SDC2: variants seen among roughly 807,000 people sequenced by gnomAD.
The protein encoded by SDC2 is syndecan 2.
A neutral mutation model predicts 22.2 loss-of-function variants in SDC2; 13 were observed. That is an observed-to-expected ratio of 0.59 (90% CI 0.38 to 0.93). The LOEUF (loss-of-function observed/expected upper bound fraction) is 0.93. SDC2 is among the 40% of genes least tolerant of loss of function. The pLI, the probability that SDC2 is intolerant of heterozygous loss-of-function variation, is 0.00. For missense variants in SDC2, 235 were observed against 246.8 expected, an observed-to-expected ratio of 0.95 and a Z score of 0.32; for synonymous variants, 94 against 92.8, an observed-to-expected ratio of 1.01 and a Z score of -0.07.
intron 1 of SDC2, among the ~76,000 whole-genome samples, chr8:96,583,952 A>G (rs1399534360): frequency 6.6e-6 from 1 of 151,882 alleles, no homozygotes; most frequent in African/African-American, 2.4e-5. Context: ...TGCAGTAGTA[A>G]ACACCCTAAC....
At chr8:96,548,092 C>T (rs960450717) in intron 1 of SDC2, among the ~76,000 whole-genome samples, 8 of 152,184 alleles carry the variant, frequency 5.3e-5, no homozygotes, top group Non-Finnish European at 1.5e-5. Flanking sequence ...CCCTTGATGG[C>T]AGCTTTTGTA....
intron 2 of SDC2, among the ~76,000 whole-genome samples, chr8:96,602,037 C>T (rs185776996): frequency 1.3e-5 from 2 of 152,254 alleles, no homozygotes; most frequent in African/African-American, 2.4e-5. Flanking sequence ...AAATTACAGG[C>T]GTGAGCCCCT....
At chr8:96,519,380 C>T (rs774388740) in intron 1 of SDC2, among the ~76,000 whole-genome samples, 37 of 151,986 alleles carry the variant, frequency 2.4e-4, no homozygotes, top group Non-Finnish European at 1.6e-4. Flanking sequence ...TAATGCTCCA[C>T]GTTACAGAAA....
intron 1 of SDC2, among the ~76,000 whole-genome samples, chr8:96,550,945 T>C (rs1814016138): frequency 6.6e-6 from 1 of 152,136 alleles, no homozygotes; most frequent in Non-Finnish European, 1.5e-5. Flanking sequence ...CTGTAGTCTT[T>C]GTGATCATCT....
In SDC2 at chr8:96,549,694, G is replaced by A. The variant is rs561895601; in HGVS notation, c.61-43786G>A. On this transcript the variant is annotated intron_variant, in intron 1 of 4. Coordinates refer to ENST00000302190, the MANE Select transcript of SDC2 (RefSeq NM_002998.4). ...TAAGTCTTCATATCAGTTTCTCTTCGAGAGTAGGAGTAATAATGCATATAT... is the reference window on the plus strand; with the variant it reads ...TAAGTCTTCATATCAGTTTCTCTTCAAGAGTAGGAGTAATAATGCATATAT... Among the ~76,000 whole-genome samples the A allele has an allele frequency of 6.6e-5, 10 of 152,264 alleles. No individual in the cohort carries two copies. In the South Asian group the frequency reaches 1.9e-3, roughly 28 times the overall value.
intron 1 of SDC2, among the ~76,000 whole-genome samples, chr8:96,496,958 T>G (rs1477262898): frequency 6.6e-6 from 1 of 152,226 alleles, no homozygotes; most frequent in Non-Finnish European, 1.5e-5. Flanking sequence ...TGACTGAGTG[T>G]GGCAGTAGTG....
At chr8:96,502,476 A>G (rs1813181452) in intron 1 of SDC2, among the ~76,000 whole-genome samples, 1 of 93,706 alleles carries the variant, frequency 1.1e-5, no homozygotes, top group Admixed American at 9.8e-5. Flanking sequence ...TCTAGATAGA[A>G]GACTACATGA....
intron 1 of SDC2, among the ~76,000 whole-genome samples, chr8:96,579,779 C>G (rs187432660): frequency 6.6e-6 from 1 of 152,288 alleles, no homozygotes; most frequent in Admixed American, 6.5e-5. Context: ...CATGTTGTCT[C>G]TTACATGAAA....
intron 3 of SDC2, among the ~76,000 whole-genome samples, chr8:96,606,667 A>AT (rs996711945): frequency 3.3e-5 from 5 of 151,944 alleles, no homozygotes; most frequent in Non-Finnish European, 7.4e-5. Context: ...GTAGGACTGT[A>AT]TTTTTTTTAA....
chr8:96,494,130 C>G lies in SDC2; in HGVS notation c.-142C>G, dbSNP rs1813007124. On this transcript the variant is annotated 5_prime_UTR_variant, in exon 1 of 5. Transcript: ENST00000302190. ...GAAGCGAGCGCCCCCGAGCCCCGAG[C>G]CCGAGTCCCCGAGCCTGAGCCGCAA... The G allele has an allele frequency of 6.3e-6, 5 of 799,914 alleles. No homozygotes were observed. The Admixed American group carries it at 1.0e-4, about 16-fold the overall frequency. 49.6% of individuals were successfully genotyped at this position (799,914 alleles called of 1,614,324 possible).
chr8:96,545,682 A>G (rs974215678), intron 1 of SDC2, among the ~76,000 whole-genome samples: 4 of 152,230 alleles, frequency 2.6e-5, no homozygotes, highest in African/African-American at 9.6e-5. Context: ...TGGGCTTGTT[A>G]AATAGCCACA....
intron 1 of SDC2, among the ~76,000 whole-genome samples, chr8:96,533,303 T>C (rs1813696926): frequency 6.6e-6 from 1 of 152,188 alleles, no homozygotes. Flanking sequence ...CCCACCCACA[T>C]CCTGTTGATT....
chr8:96,583,680 AAT>A (rs1405332846), intron 1 of SDC2, among the ~76,000 whole-genome samples: 20 of 129,866 alleles, frequency 1.5e-4, no homozygotes, highest in South Asian at 1.4e-3. Context: ...ATGTATTTGA[AAT>A]ATATGTGTGT....
chr8:96,534,188 C>T (rs1011634425), intron 1 of SDC2, among the ~76,000 whole-genome samples: 5 of 152,214 alleles, frequency 3.3e-5, no homozygotes, highest in Non-Finnish European at 7.3e-5. Context: ...GCCTGTGTTT[C>T]TCCCTCCACA....
intron 1 of SDC2, among the ~76,000 whole-genome samples, chr8:96,592,666 T>C (rs1489738036): frequency 6.6e-6 from 1 of 152,216 alleles, no homozygotes; most frequent in African/African-American, 2.4e-5. Context: ...ACTGAAGAGT[T>C]AAGAAGCTGT....
At chr8:96,580,089 T>C (rs1344824964) in intron 1 of SDC2, among the ~76,000 whole-genome samples, 1 of 152,186 alleles carries the variant, frequency 6.6e-6, no homozygotes, top group Non-Finnish European at 1.5e-5. Context: ...CTTTAACAGC[T>C]CTAAATGGGT....
intron 1 of SDC2, among the ~76,000 whole-genome samples, chr8:96,558,473 C>T (rs775710950): frequency 3.3e-5 from 5 of 152,058 alleles, no homozygotes; most frequent in Non-Finnish European, 5.9e-5. Flanking sequence ...TGAATTTCAC[C>T]GTCTGAGATA....
chr8:96,507,242 G>T (rs1482693173), intron 1 of SDC2, among the ~76,000 whole-genome samples: 1 of 152,146 alleles, frequency 6.6e-6, no homozygotes, highest in East Asian at 1.9e-4. Context: ...TGTTTTATTA[G>T]TGTATTTTCT....
In SDC2 at chr8:96,609,466, A is replaced by T. The variant is rs1320254228; in HGVS notation, c.524A>T (p.Asp175Val). ...TTGGTGTATCGCATGAGAAAGAAGG[A>T]TGAAGGAAGCTATGACCTTGGAGAA... Reference protein sequence around the residue: ...LLLVYRMRKKDEGSYDLGERK... With the variant: ...LLLVYRMRKKVEGSYDLGERK... Residue 175 changes from aspartate (D) to valine (V), a missense_variant, in exon 5 of 5, where the codon GAT becomes GTT. Coordinates refer to ENST00000302190, the MANE Select transcript of SDC2 (RefSeq NM_002998.4). The T allele has an allele frequency of 1.2e-6, 2 of 1,613,784 alleles. No individual in the cohort carries two copies. Among genetic ancestry groups the T allele is most frequent in the African/African-American group, 1.3e-5 (1 of 75,028 alleles).
Sources: gnomAD v4.1 joint callset for allele counts (sites outside exome capture counted in the v4.1 genomes callset) on GRCh38, gnomAD v4.1.1 for gene constraint, MANE v1.5 for transcripts, NCBI Gene and HGNC (gene_info 2026-07-23, HGNC 2026-07-21) for gene names.